The following LSM14B variants were observed in gnomAD, a reference collection of about 807,000 sequenced individuals.
The protein encoded by LSM14B is LSM family member 14B.
In LSM14B, 8 loss-of-function variants were observed where a neutral mutation model predicts 42.1. That is an observed-to-expected ratio of 0.19 (90% confidence interval 0.11 to 0.34). The LOEUF (loss-of-function observed/expected upper bound fraction) is 0.34. Ranked by LOEUF, LSM14B falls within the 10% of genes least tolerant of loss-of-function variation. LSM14B has a pLI of 1.00. For synonymous variants in LSM14B, 219 were observed against 209.7 expected, an observed-to-expected ratio of 1.04 and a Z score of -0.38; for missense variants, 396 against 513.1, an observed-to-expected ratio of 0.77 and a Z score of 2.21.
chr20:62,133,266 A>T lies in LSM14B; in HGVS notation c.987-24A>T, dbSNP rs745796502. Reference sequence around the variant, plus strand: ...AGCCTGGGAGTCAGTGCCTGCTACAATCAGCATTTCCTCTGTGGTTTAGCT... The same window carrying T: ...AGCCTGGGAGTCAGTGCCTGCTACATTCAGCATTTCCTCTGTGGTTTAGCT... On this transcript the variant is annotated intron_variant, in intron 7 of 8. Transcript: ENST00000279068. 46 of 1,610,510 alleles carry T rather than the reference A, an allele frequency of 2.9e-5. No individual in the cohort carries two copies. In the Admixed American group the frequency reaches 4.0e-4, roughly 14 times the overall value.
At chr20:62,131,687 G>C (rs747852699) in intron 7 of LSM14B, among the ~76,000 whole-genome samples, 181 bp downstream of exon 7, 2 of 152,176 alleles carry the variant, frequency 1.3e-5, no homozygotes, top group Non-Finnish European at 2.9e-5. Flanking sequence ...GAAGCCTCTT[G>C]GGGATCCCGA....
At chr20:62,127,024 A>G (rs1177638133) in intron 3 of LSM14B, among the ~76,000 whole-genome samples, 1 of 152,240 alleles carries the variant, frequency 6.6e-6, no homozygotes, top group African/African-American at 2.4e-5. Context: ...AAGTCCTGGT[A>G]TATCTGCTTC....
rs2056852303 is a variant in LSM14B at position 62,134,433 on chromosome 20, A to G, written c.*285A>G. 2.9e-6 allele frequency: 1 copy of G among 342,510 alleles called. No individual in the cohort carries two copies. Among genetic ancestry groups the G allele is most frequent in the Non-Finnish European group, 5.9e-6 (1 of 168,096 alleles). The allele number at this position is 342,510 out of a possible 1,614,324, so 21.2% of individuals were successfully genotyped here. ...TAATTCTAAGGTTTTGGTATTTTGC[A>G]AAAAGGTTTCTATAGTGAAAGCTGA... On this transcript the variant is annotated 3_prime_UTR_variant, in exon 9 of 9. Coordinates refer to ENST00000279068, the MANE Select transcript of LSM14B (RefSeq NM_144703.3).
At chr20:62,132,557 A>G (rs2056796733) in intron 7 of LSM14B, among the ~76,000 whole-genome samples, 1 of 152,206 alleles carries the variant, frequency 6.6e-6, no homozygotes, top group East Asian at 1.9e-4. Context: ...TGTGTCTTGA[A>G]GGTGGCGCTA....
At position 62,129,774 on chromosome 20, in the gene LSM14B, C is replaced by A; in HGVS notation, c.428-11C>A. On this transcript the variant is annotated splice_polypyrimidine_tract_variant and intron_variant, in intron 3 of 8. Coordinates refer to ENST00000279068, the MANE Select transcript of LSM14B (RefSeq NM_144703.3). ...CTCTGTTTTTAAACCCTCCTCCCCT[C>A]CTCAATTCAGGAGCTGGTTTTCCAT... 6.2e-7 allele frequency: 1 copy of A among 1,603,528 alleles called. No homozygotes were observed. The highest frequency in any genetic ancestry group is 1.1e-5 in the South Asian group (1 of 89,298).
At chr20:62,128,962 C>A in intron 3 of LSM14B, 1 of 1,304,108 alleles carries the variant, frequency 7.7e-7, no homozygotes, top group African/African-American at 1.5e-5. Flanking sequence ...TCACTTACAC[C>A]CAGTCCCACA....
intron 3 of LSM14B, chr20:62,127,682 A>G: frequency 6.4e-7 from 1 of 1,550,682 alleles, no homozygotes; most frequent in Non-Finnish European, 8.7e-7. Flanking sequence ...CCTCAGAGCC[A>G]CAGCAGCTCA....
Position 62,122,711 on chromosome 20 carries a change from C to T in LSM14B, c.45C>T (p.Ser15=), listed in dbSNP as rs1459886938. ...CCCCGTATCTGGGCAGCAAGATCAGCCTCATCTCCAAGGCGCAGATCCGCT... is the reference window on the plus strand; with the variant it reads ...CCCCGTATCTGGGCAGCAAGATCAGTCTCATCTCCAAGGCGCAGATCCGCT... ...SGTPYLGSKI[S]LISKAQIRYE... is the part of the protein sequence containing the mutation. The change falls in exon 1 of 9, where the codon AGC becomes AGT. Residue 15 remains serine, a synonymous_variant. Coordinates refer to ENST00000279068, the MANE Select transcript of LSM14B (RefSeq NM_144703.3). The surrounding 1 kb of genome is among the most constrained non-coding windows in gnomAD (Gnocchi z 4.6). The T allele has an allele frequency of 2.0e-6, 3 of 1,518,884 alleles. No homozygotes were observed. Among genetic ancestry groups the T allele is most frequent in the Admixed American group, 3.9e-5 (2 of 51,458 alleles). The allele number at this position is 1,518,884 out of a possible 1,614,324, so 94.1% of individuals were successfully genotyped here.
At chr20:62,126,490 T>C in intron 3 of LSM14B, 51 bp downstream of exon 3, 1 of 1,589,570 alleles carries the variant, frequency 6.3e-7, no homozygotes, top group Non-Finnish European at 8.5e-7. Flanking sequence ...TAACTGTCAC[T>C]GAGTGGAGCG....
At chr20:62,123,712 G>A (rs1402744661) in intron 1 of LSM14B, among the ~76,000 whole-genome samples, 1 of 152,256 alleles carries the variant, frequency 6.6e-6, no homozygotes, top group Non-Finnish European at 1.5e-5. Context: ...GGTTCTTGAA[G>A]TGTCTAGACG....
At chr20:62,132,722 G>C (rs957808254) in intron 7 of LSM14B, among the ~76,000 whole-genome samples, 2 of 152,212 alleles carry the variant, frequency 1.3e-5, no homozygotes, top group African/African-American at 2.4e-5. Flanking sequence ...TGGGTGTGCT[G>C]CTGGAGCTGT....
In LSM14B at chr20:62,126,416, A is replaced by G. The variant is rs199946051; in HGVS notation, c.404A>G (p.Gln135Arg). The stretch of plus-strand genomic sequence containing the variant: ...GCGGCCAGCTCCCTGCTCAGCCAGC[A>G]GTATGCCGCCTCCCTGGGTCTAGGT... ...PLAASSLLSQ[Q>R]YAASLGLGAG... Residue 135 changes from glutamine to arginine, a missense_variant, in exon 3 of 9, where the codon CAG becomes CGG. Physicochemically the swap from Gln to Arg is conservative, Grantham distance 43 (BLOSUM62 1). Coordinates refer to ENST00000279068, the MANE Select transcript of LSM14B (RefSeq NM_144703.3). 1.4e-4 allele frequency: 223 copies of G among 1,610,398 alleles called. No individual in the cohort carries two copies. The highest frequency in any genetic ancestry group is 1.8e-4 in the Non-Finnish European group (210 of 1,179,806).
At position 62,134,365 on chromosome 20, in the gene LSM14B, T is replaced by A. The variant is rs1226050798; in HGVS notation, c.*217T>A. On this transcript the variant is annotated 3_prime_UTR_variant, in exon 9 of 9. Coordinates refer to ENST00000279068, the MANE Select transcript of LSM14B (RefSeq NM_144703.3). ...GGGAAGTATTCATGGGTAACCTCTT[T>A]GAGGTCTCTTTATCTGTGTTTCCTT... The A allele has an allele frequency of 2.1e-6, 1 of 470,280 alleles. No homozygotes were observed. The allele number at this position is 470,280 out of a possible 1,614,324, so 29.1% of individuals were successfully genotyped here.
At chr20:62,125,316 G>T (rs2056560084) in intron 2 of LSM14B, among the ~76,000 whole-genome samples, 1 of 152,212 alleles carries the variant, frequency 6.6e-6, no homozygotes, top group Non-Finnish European at 1.5e-5. Context: ...AGGCGACCTG[G>T]GGAGTTGGGT....
intron 8 of LSM14B, among the ~76,000 whole-genome samples, chr20:62,133,745 G>C (rs1244958632): frequency 6.6e-6 from 1 of 152,216 alleles, no homozygotes; most frequent in East Asian, 1.9e-4. Flanking sequence ...GAGTCGCGTG[G>C]GCTGGGGGCT....
chr20:62,133,853 G>C (rs6142961), intron 8 of LSM14B, among the ~76,000 whole-genome samples: 96,517 of 152,252 alleles, frequency 0.63, 35,084 homozygotes, highest in Non-Finnish European at 0.8. Flanking sequence ...TTTTTAACCA[G>C]GTCCCAGTGG....
intron 8 of LSM14B, 92 bp from the exon 9 acceptor site, chr20:62,134,071 C>T (rs528542887): frequency 1.9e-5 from 7 of 371,312 alleles, no homozygotes; most frequent in African/African-American, 8.6e-5. Context: ...ACTCTGGGGG[C>T]AGGAGGGAGG....
intron 2 of LSM14B, 141 bp from the exon 3 acceptor site, chr20:62,126,163 C>A: frequency 8.1e-7 from 1 of 1,237,536 alleles, no homozygotes; most frequent in Non-Finnish European, 1.2e-6. Flanking sequence ...TGGAAACTTG[C>A]ACCCCAAGGG....
At chr20:62,133,232 C>G in intron 7 of LSM14B, 58 bp from the exon 8 acceptor site, 1 of 1,590,362 alleles carries the variant, frequency 6.3e-7, no homozygotes, top group Non-Finnish European at 8.6e-7. Flanking sequence ...AGGACGAGGC[C>G]TGGCCAGAAG....
Sources: allele counts gnomAD v4.1 joint callset (sites outside exome capture counted in the v4.1 genomes callset), GRCh38; gene constraint gnomAD v4.1.1; non-coding constraint Gnocchi (gnomAD v3.1); transcripts MANE v1.5; gene names NCBI Gene and HGNC (gene_info 2026-07-23, HGNC 2026-07-21).